Variants in PTPRT observed in about 807,000 individuals in gnomAD.
PTPRT encodes the protein protein tyrosine phosphatase receptor type T, also known as receptor-type tyrosine-protein phosphatase T.
PTPRT carries 56 observed loss-of-function variants against 176.8 expected under a neutral mutation model. The observed-to-expected ratio is 0.32, with a 90% CI of 0.26 to 0.40. The LOEUF is 0.40. Among genes scored for constraint, PTPRT ranks in the 10% least tolerant of loss-of-function variants. The probability of loss-of-function intolerance (pLI) is 1.00; values close to 1 mark genes in which losing one functional copy is unlikely to be tolerated. For synonymous variants in PTPRT, 783 were observed against 739.0 expected (o/e 1.06, Z -0.96); for missense variants, 1,540 against 1,908.2 (o/e 0.81, Z 3.60).
At chr20:42,548,650 G>A (rs1343242220) in intron 7 of PTPRT, among the ~76,000 whole-genome samples, 1 of 152,082 alleles carries the variant, frequency 6.6e-6, no homozygotes, top group African/African-American at 2.4e-5. Flanking sequence ...TAAAAATTAT[G>A]GATGTATATT....
intron 7 of PTPRT, among the ~76,000 whole-genome samples, chr20:42,585,502 T>C (rs2073456095): frequency 6.6e-6 from 1 of 152,232 alleles, no homozygotes; most frequent in African/African-American, 2.4e-5. Context: ...TCTATCATTT[T>C]ATTTTAGTTC....
intron 7 of PTPRT, among the ~76,000 whole-genome samples, chr20:42,549,844 G>C (rs144131358): frequency 6.6e-6 from 1 of 152,054 alleles, no homozygotes; most frequent in African/African-American, 2.4e-5. Context: ...GTGGAAAATC[G>C]TGGTAGTGGG....
chr20:42,738,411 C>G (rs1172324200), intron 6 of PTPRT, among the ~76,000 whole-genome samples: 1 of 151,774 alleles, frequency 6.6e-6, no homozygotes, highest in Non-Finnish European at 1.5e-5. Context: ...ACTCGGGAGG[C>G]TGAGGTAGAA....
chr20:42,858,408 T>C (rs1459787363), intron 2 of PTPRT, among the ~76,000 whole-genome samples: 1 of 152,142 alleles, frequency 6.6e-6, no homozygotes, highest in Non-Finnish European at 1.5e-5. Flanking sequence ...GCCAGGATGA[T>C]CAGATAGTGC....
intron 2 of PTPRT, among the ~76,000 whole-genome samples, chr20:42,847,231 C>T (rs1463991894): frequency 5.9e-5 from 9 of 152,080 alleles, no homozygotes; most frequent in Admixed American, 5.9e-4. Flanking sequence ...GGGAGGAAGT[C>T]GTTAACAGAA....
chr20:42,277,884 TCATCCATC>T lies in PTPRT; in HGVS notation c.2176+4597_2176+4604del, dbSNP rs60397646. Among the ~76,000 whole-genome samples, 1,106 of 139,766 alleles carry T rather than the reference TCATCCATC, an allele frequency of 7.9e-3. 13 individuals are homozygous for T. The highest frequency in any genetic ancestry group is 0.025 in the African/African-American group (947 of 37,924). The allele number at this position is 139,766 out of a possible 152,430, so 91.7% of individuals were successfully genotyped here. On this transcript the variant is annotated intron_variant, in intron 13 of 30. Transcript: ENST00000373187. The stretch of plus-strand genomic sequence containing the variant: ...GAATAATGACCTGTTAGTCATCCAC[TCATCCATC>T]CATCCATCCATCCATCCATCCATCC...
chr20:42,041,737 T>C, the PTPRT span, among the ~76,000 whole-genome samples: 1 of 152,204 alleles, frequency 6.6e-6, no homozygotes, highest in Non-Finnish European at 1.5e-5. Flanking sequence ...ATTGTGGGGA[T>C]AGATAAATTA....
At chr20:43,020,329 A>C (rs1214682791) in intron 1 of PTPRT, among the ~76,000 whole-genome samples, 8 of 151,766 alleles carry the variant, frequency 5.3e-5, no homozygotes, top group Non-Finnish European at 1.2e-4. Flanking sequence ...ATACATAGAT[A>C]TTATGATCCC....
chr20:42,539,661 T>A (rs1187543981), intron 7 of PTPRT, among the ~76,000 whole-genome samples: 15 of 142,320 alleles, frequency 1.1e-4, no homozygotes, highest in African/African-American at 3.4e-4. Flanking sequence ...CACATGCATT[T>A]AAAAAAAAAA....
rs138351263 is a variant in PTPRT, at chr20:42,761,162, C to G, written c.685-4526G>C. Among the ~76,000 whole-genome samples the G allele has an allele frequency of 7.7e-3, 1,168 of 152,202 alleles. 13 individuals carry two copies. Among genetic ancestry groups the G allele is most frequent in the African/African-American group, 0.026 (1,060 of 41,542 alleles). On this transcript the variant is annotated intron_variant, in intron 5 of 30. Transcript: ENST00000373187. ...AAAATGTGAATTCTCAGGCCAGGCA[C>G]GGTGGCTGACGCCTGTAATCCCAGC...
At chr20:43,120,252 C>A (rs1260622780) in intron 1 of PTPRT, among the ~76,000 whole-genome samples, 2 of 151,192 alleles carry the variant, frequency 1.3e-5, no homozygotes, top group African/African-American at 4.8e-5. Context: ...GGGAGTGCTT[C>A]CTGTCCCTAC....
intron 2 of PTPRT, among the ~76,000 whole-genome samples, chr20:42,882,779 T>C (rs541707170): frequency 2.0e-5 from 3 of 152,312 alleles, no homozygotes; most frequent in Middle Eastern, 3.4e-3. Flanking sequence ...AACCATGCAC[T>C]GGATGAATAA....
At chr20:42,381,472 C>T (rs748244179) in intron 9 of PTPRT, among the ~76,000 whole-genome samples, 15 of 152,114 alleles carry the variant, frequency 9.9e-5, no homozygotes, top group African/African-American at 3.6e-4. Context: ...CCATGATGGA[C>T]GTGTCATACA....
chr20:42,988,982 T>A (rs6072923), intron 1 of PTPRT, among the ~76,000 whole-genome samples: 31,107 of 152,212 alleles, frequency 0.2, 3,413 homozygotes, highest in Non-Finnish European at 0.24. Context: ...ACTAAGCCCA[T>A]GTTTATCCTT....
chr20:42,481,370 G>T (rs930392232), intron 7 of PTPRT, among the ~76,000 whole-genome samples: 8 of 152,066 alleles, frequency 5.3e-5, no homozygotes, highest in African/African-American at 1.9e-4. Context: ...AGGTCTTACA[G>T]GATTATTCTT....
intron 7 of PTPRT, among the ~76,000 whole-genome samples, chr20:42,516,844 A>AT (rs1193083614): frequency 6.6e-6 from 1 of 152,116 alleles, no homozygotes; most frequent in East Asian, 1.9e-4. Context: ...GAATTCTAAG[A>AT]TTTTATCTAC....
intron 6 of PTPRT, among the ~76,000 whole-genome samples, chr20:42,686,872 TA>T (rs1330043351): frequency 6.6e-6 from 1 of 152,212 alleles, no homozygotes; most frequent in South Asian, 2.1e-4. Context: ...ACAACTTAGA[TA>T]AACTATTCGC....
At chr20:42,698,898 C>A (rs572755686) in intron 6 of PTPRT, among the ~76,000 whole-genome samples, 2 of 151,928 alleles carry the variant, frequency 1.3e-5, no homozygotes, top group Admixed American at 1.3e-4. Flanking sequence ...AATAAATGGC[C>A]CTTCTTATCT....
In PTPRT at chr20:43,189,031, C is replaced by T. The variant is rs995809948; in HGVS notation, c.88+615G>A. 1.3e-5 allele frequency among the ~76,000 whole-genome samples: 2 copies of T among 152,230 alleles called. No individual in the cohort carries two copies. Among genetic ancestry groups the T allele is most frequent in the Non-Finnish European group, 2.9e-5 (2 of 68,044 alleles). ...CCTTAACACGGGCGCCCAGCTACCT[C>T]GGAGAAAAGCCAGCGGGTAGGGCGG... On this transcript the variant is annotated intron_variant, in intron 1 of 30. Transcript: ENST00000373187. The surrounding 1 kb of genome is among the most constrained non-coding windows in gnomAD (Gnocchi z 5.0).
Sources: allele counts gnomAD v4.1 joint callset (sites outside exome capture counted in the v4.1 genomes callset), GRCh38; gene constraint gnomAD v4.1.1; non-coding constraint Gnocchi (gnomAD v3.1); transcripts MANE v1.5; gene names NCBI Gene and HGNC (gene_info 2026-07-23, HGNC 2026-07-21).